Variants in HMGCLL1 observed in about 807,000 individuals in gnomAD.
HMGCLL1 encodes 3-hydroxy-3-methylglutaryl-CoA lyase like 1, also known as 3-hydroxymethyl-3-methylglutaryl-CoA lyase, cytoplasmic.
HMGCLL1 carries 36 observed loss-of-function variants against 39.1 expected under a neutral mutation model. That is an observed-to-expected ratio of 0.92 (90% confidence interval 0.71 to 1.22). The LOEUF (loss-of-function observed/expected upper bound fraction) is 1.22. HMGCLL1 is among the 50% of genes most tolerant of loss of function. The pLI is 0.00. For synonymous variants in HMGCLL1, 149 were observed against 144.0 expected, an observed-to-expected ratio of 1.03 and a Z score of -0.25; for missense variants, 451 against 416.5, an observed-to-expected ratio of 1.08 and a Z score of -0.72.
intron 3 of HMGCLL1, among the ~76,000 whole-genome samples, chr6:55,532,608 C>T (rs576611885): frequency 1.3e-5 from 2 of 151,966 alleles, no homozygotes; most frequent in Admixed American, 1.3e-4. Flanking sequence ...CGAGACCAGC[C>T]TGGCCAAGAT....
the HMGCLL1 span, among the ~76,000 whole-genome samples, chr6:55,644,817 G>T: frequency 6.6e-6 from 1 of 151,960 alleles, no homozygotes; most frequent in Non-Finnish European, 1.5e-5. Context: ...AGTATTAGTT[G>T]AAGTCAGGTA....
chr6:55,634,049 CT>C, the HMGCLL1 span, among the ~76,000 whole-genome samples: 192 of 150,470 alleles, frequency 1.3e-3, 1 homozygote, highest in Non-Finnish European at 2.1e-3. Context: ...TTTGACATCA[CT>C]TTTTTTTTAA....
At chr6:55,611,534 T>A in the HMGCLL1 span, among the ~76,000 whole-genome samples, 15 of 152,140 alleles carry the variant, frequency 9.9e-5, no homozygotes, top group Admixed American at 2.0e-4. Flanking sequence ...CAGGCCAATA[T>A]CCCTGGTGAA....
the HMGCLL1 span, among the ~76,000 whole-genome samples, chr6:55,651,326 T>C: frequency 6.6e-6 from 1 of 152,048 alleles, no homozygotes. Context: ...AGGGTTTCTT[T>C]CTTTAAGGCA....
the HMGCLL1 span, among the ~76,000 whole-genome samples, chr6:55,637,198 T>C: frequency 6.6e-6 from 1 of 152,184 alleles, no homozygotes; most frequent in Non-Finnish European, 1.5e-5. Context: ...GACGAGCTTT[T>C]ATTTGAGATT....
chr6:55,509,308 G>A (rs1487890059), intron 5 of HMGCLL1, among the ~76,000 whole-genome samples: 3 of 151,808 alleles, frequency 2.0e-5, no homozygotes, highest in Non-Finnish European at 2.9e-5. Context: ...TTCCATAGAG[G>A]TAGATCATCC....
At chr6:55,585,854 C>A in the HMGCLL1 span, among the ~76,000 whole-genome samples, 20 of 151,940 alleles carry the variant, frequency 1.3e-4, no homozygotes, top group Admixed American at 1.3e-3. Context: ...TTAAGATATG[C>A]CTTCTTGGCT....
At chr6:55,664,852 T>C in the HMGCLL1 span, among the ~76,000 whole-genome samples, 1 of 151,666 alleles carries the variant, frequency 6.6e-6, no homozygotes, top group Non-Finnish European at 1.5e-5. Flanking sequence ...TTCACACATA[T>C]GGCAAATCCT....
At chr6:55,667,878 T>C in the HMGCLL1 span, among the ~76,000 whole-genome samples, 6 of 151,784 alleles carry the variant, frequency 4.0e-5, no homozygotes, top group African/African-American at 7.2e-5. Flanking sequence ...TCTTATACAA[T>C]ATACACTAAA....
At chr6:55,663,832 T>A in the HMGCLL1 span, among the ~76,000 whole-genome samples, 1 of 151,922 alleles carries the variant, frequency 6.6e-6, no homozygotes, top group African/African-American at 2.4e-5. Context: ...CTCTAAGAAC[T>A]TGCTTAATGA....
chr6:55,467,954 A>C (rs900260213), intron 7 of HMGCLL1, among the ~76,000 whole-genome samples: 3 of 152,036 alleles, frequency 2.0e-5, no homozygotes, highest in Non-Finnish European at 4.4e-5. Context: ...AAGTCTTTCT[A>C]AATTATGACT....
the HMGCLL1 span, among the ~76,000 whole-genome samples, chr6:55,639,260 C>T: frequency 9.9e-5 from 15 of 151,772 alleles, no homozygotes; most frequent in African/African-American, 2.4e-5. Flanking sequence ...TTACTGATAA[C>T]ATTTTTGCTG....
At chr6:55,646,458 C>G in the HMGCLL1 span, among the ~76,000 whole-genome samples, 1 of 151,530 alleles carries the variant, frequency 6.6e-6, no homozygotes, top group African/African-American at 2.4e-5. Flanking sequence ...TCTTGTTTTT[C>G]TAGCTCTTCA....
chr6:55,437,015 A>C (rs1288354656), intron 8 of HMGCLL1, among the ~76,000 whole-genome samples: 1 of 151,996 alleles, frequency 6.6e-6, no homozygotes, highest in Non-Finnish European at 1.5e-5. Context: ...TCACTTATAA[A>C]TTACATCCAG....
At chr6:55,524,853 T>C (rs1768231869) in intron 3 of HMGCLL1, among the ~76,000 whole-genome samples, 1 of 151,836 alleles carries the variant, frequency 6.6e-6, no homozygotes. Context: ...TTTACAGCAC[T>C]TTCTGAGGCA....
the HMGCLL1 span, among the ~76,000 whole-genome samples, chr6:55,588,548 A>C: frequency 2.0e-5 from 3 of 151,972 alleles, no homozygotes; most frequent in African/African-American, 7.2e-5. Context: ...AAGAAATAAC[A>C]AAGATAAGAG....
At chr6:55,561,562 A>T (rs1407074270) in intron 1 of HMGCLL1, among the ~76,000 whole-genome samples, 1 of 152,132 alleles carries the variant, frequency 6.6e-6, no homozygotes, top group African/African-American at 2.4e-5. Flanking sequence ...TAACCAGCTC[A>T]CAGATGATGG....
the HMGCLL1 span, among the ~76,000 whole-genome samples, chr6:55,598,833 T>C: frequency 6.6e-6 from 1 of 152,200 alleles, no homozygotes; most frequent in Non-Finnish European, 1.5e-5. Context: ...CATGTAATGA[T>C]TACTATTATT....
At chr6:55,555,168 C>T (rs1397766503) in intron 1 of HMGCLL1, among the ~76,000 whole-genome samples, 1 of 152,220 alleles carries the variant, frequency 6.6e-6, no homozygotes. Flanking sequence ...TTCTCCCACT[C>T]ATCCTTTGCC....
Sources: allele counts gnomAD v4.1 joint callset (sites outside exome capture counted in the v4.1 genomes callset), GRCh38; gene constraint gnomAD v4.1.1; transcripts MANE v1.5; gene names NCBI Gene and HGNC (gene_info 2026-07-23, HGNC 2026-07-21).